NECAB1: variants seen among roughly 807,000 people sequenced by gnomAD.
NECAB1 encodes the protein N-terminal EF-hand calcium-binding protein 1.
A neutral mutation model predicts 57.5 loss-of-function variants in NECAB1; 29 were observed. The observed-to-expected ratio is 0.50, with a 90% CI of 0.38 to 0.69. NECAB1 has a LOEUF of 0.69. NECAB1 is among the 30% of genes least tolerant of loss of function. The pLI is 0.00. For synonymous variants in NECAB1, 142 were observed against 147.7 expected (o/e 0.96, Z 0.28); for missense variants, 372 against 413.8 (o/e 0.90, Z 0.88).
At chr8:90,921,800 A>G (rs543424756) in intron 6 of NECAB1, among the ~76,000 whole-genome samples, 1 of 152,330 alleles carries the variant, frequency 6.6e-6, no homozygotes, top group Non-Finnish European at 1.5e-5. Context: ...AAACCTAGGG[A>G]TACAAAGACT....
At chr8:90,927,484 C>T (rs1444844295) in intron 7 of NECAB1, among the ~76,000 whole-genome samples, 3 of 151,962 alleles carry the variant, frequency 2.0e-5, no homozygotes, top group Non-Finnish European at 4.4e-5. Context: ...AAGCTGCAAT[C>T]AGTATATACA....
At chr8:90,838,116 G>A (rs1812399777) in intron 3 of NECAB1, among the ~76,000 whole-genome samples, 1 of 152,044 alleles carries the variant, frequency 6.6e-6, no homozygotes, top group Non-Finnish European at 1.5e-5. Flanking sequence ...TTTGTTGAAT[G>A]TACGAAAAAT....
chr8:90,866,481 A>G (rs762320057), intron 3 of NECAB1, among the ~76,000 whole-genome samples: 21 of 152,338 alleles, frequency 1.4e-4, no homozygotes, highest in Non-Finnish European at 2.2e-4. Flanking sequence ...CACTGGTAAT[A>G]TTCAGACTGA....
In NECAB1 at chr8:90,957,704, GAAA is replaced by G. The variant is rs1182019127; in HGVS notation, c.*2199_*2201del. Reference sequence around the variant, plus strand: ...AAAAAAGAAAAAGAAAAAGAAAAAAGAAAAAAAAAGAAAAAACTGGGACCTAAG... The same window carrying G: ...AAAAAAGAAAAAGAAAAAGAAAAAAGAAAAAAGAAAAAACTGGGACCTAAG... On this transcript the variant is annotated 3_prime_UTR_variant, in exon 13 of 13. Coordinates refer to ENST00000417640, the MANE Select transcript of NECAB1 (RefSeq NM_022351.5). 7.3e-6 allele frequency: 1 copy of G among 137,914 alleles called. No homozygotes were observed. Among genetic ancestry groups the G allele is most frequent in the East Asian group, 2.1e-4 (1 of 4,770 alleles). The allele number at this position is 137,914 out of a possible 1,614,324, so 8.5% of individuals were successfully genotyped here. A position where few individuals can be genotyped will look rare whatever the true frequency, so the allele number is the denominator to read the frequency against.
intron 12 of NECAB1, among the ~76,000 whole-genome samples, chr8:90,954,067 AAAATAAATAAATAAATAAATAAAT>A (rs60959508): frequency 1.4e-5 from 2 of 142,598 alleles, no homozygotes; most frequent in Non-Finnish European, 3.0e-5. Context: ...AGACTGTCTC[AAAATAAATAAATAAATAAATAAAT>A]AAATAAATAA....
At chr8:90,924,961 A>T (rs1437434535) in intron 6 of NECAB1, among the ~76,000 whole-genome samples, 2 of 151,514 alleles carry the variant, frequency 1.3e-5, no homozygotes, top group African/African-American at 2.4e-5. Flanking sequence ...AGTATATAAG[A>T]TATACTGTAT....
chr8:90,849,501 T>TTTC (rs1376867540), intron 3 of NECAB1, among the ~76,000 whole-genome samples: 1 of 149,820 alleles, frequency 6.7e-6, no homozygotes, highest in African/African-American at 2.4e-5. Flanking sequence ...TTTTTTTTTT[T>TTTC]CTGTTTTTGC....
At chr8:90,856,529 C>T (rs1207108209) in intron 3 of NECAB1, among the ~76,000 whole-genome samples, 1 of 152,058 alleles carries the variant, frequency 6.6e-6, no homozygotes, top group Admixed American at 6.5e-5. Flanking sequence ...AAAGTTGATA[C>T]TTAAATATCT....
chr8:90,806,767 T>C (rs1811853182), intron 2 of NECAB1: 1 of 152,226 alleles, frequency 6.6e-6, no homozygotes, highest in African/African-American at 2.4e-5. Flanking sequence ...TCTCATAAAG[T>C]TGTTTTGAGA....
chr8:90,924,733 G>A (rs1230678701), intron 6 of NECAB1, among the ~76,000 whole-genome samples: 1 of 152,124 alleles, frequency 6.6e-6, no homozygotes, highest in East Asian at 1.9e-4. Flanking sequence ...AAAGACAAAA[G>A]GGATCCCTTC....
intron 8 of NECAB1, among the ~76,000 whole-genome samples, chr8:90,933,639 G>A (rs1810462297): frequency 6.6e-6 from 1 of 152,002 alleles, no homozygotes; most frequent in Non-Finnish European, 1.5e-5. Flanking sequence ...ATACTGTTCA[G>A]GTGACGGGTG....
At chr8:90,934,754 G>A (rs1296020942) in intron 9 of NECAB1, among the ~76,000 whole-genome samples, 1 of 152,044 alleles carries the variant, frequency 6.6e-6, no homozygotes, top group African/African-American at 2.4e-5. Flanking sequence ...CCAGCATTTA[G>A]CCTAGGGCCA....
Position 90,801,739 on chromosome 8 carries a change from CTATT to C in NECAB1, c.124+29_124+32del, listed in dbSNP as rs763522998. 1.0e-5 allele frequency: 15 copies of C among 1,458,768 alleles called. No individual in the cohort carries two copies. The African/African-American group carries it at 1.3e-4, about 12-fold the overall frequency. The allele number at this position is 1,458,768 out of a possible 1,614,324, so 90.4% of individuals were successfully genotyped here. A position where few individuals can be genotyped will look rare whatever the true frequency, so the allele number is the denominator to read the frequency against. On this transcript the variant is annotated intron_variant, in intron 2 of 12. Coordinates refer to ENST00000417640, the MANE Select transcript of NECAB1 (RefSeq NM_022351.5). ...TGGTAAGACCAAAAATCTACAGTATCTATTTATTAATCTCTTACATTTTATATTA... is the reference window on the plus strand; with the variant it reads ...TGGTAAGACCAAAAATCTACAGTATCTATTAATCTCTTACATTTTATATTA...
chr8:90,831,340 T>G (rs1203884807), intron 3 of NECAB1, among the ~76,000 whole-genome samples: 1 of 152,096 alleles, frequency 6.6e-6, no homozygotes, highest in Non-Finnish European at 1.5e-5. Context: ...AGAATAAAGG[T>G]GAATAGATGC....
At chr8:90,922,860 A>ATGT (rs1437547136) in intron 6 of NECAB1, among the ~76,000 whole-genome samples, 1 of 152,118 alleles carries the variant, frequency 6.6e-6, no homozygotes, top group Non-Finnish European at 1.5e-5. Context: ...TGATGATTAA[A>ATGT]TGTATGATTT....
At chr8:90,844,698 C>G (rs1812523429) in intron 3 of NECAB1, among the ~76,000 whole-genome samples, 1 of 152,190 alleles carries the variant, frequency 6.6e-6, no homozygotes, top group East Asian at 1.9e-4. Context: ...TGAATCTAAG[C>G]TCTCTTCACT....
intron 3 of NECAB1, among the ~76,000 whole-genome samples, chr8:90,856,640 T>C (rs1444748962): frequency 1.3e-5 from 2 of 152,236 alleles, no homozygotes; most frequent in East Asian, 3.8e-4. Context: ...GAACGTGTTT[T>C]GGTCTGATCA....
At chr8:90,811,260 T>TA (rs1441140341) in intron 2 of NECAB1, among the ~76,000 whole-genome samples, 2 of 152,152 alleles carry the variant, frequency 1.3e-5, no homozygotes, top group Admixed American at 1.3e-4. Context: ...GAAAATTGAT[T>TA]AATTTTCAAC....
chr8:90,923,625 G>A (rs534292115), intron 6 of NECAB1, among the ~76,000 whole-genome samples: 51 of 152,222 alleles, frequency 3.4e-4, no homozygotes, highest in African/African-American at 1.2e-3. Context: ...AAAGAAACTC[G>A]AAAGAAACAG....
Sources: gnomAD v4.1 joint callset for allele counts (sites outside exome capture counted in the v4.1 genomes callset) on GRCh38, gnomAD v4.1.1 for gene constraint, MANE v1.5 for transcripts, NCBI Gene and HGNC (gene_info 2026-07-23, HGNC 2026-07-21) for gene names.